PDE8B: variants seen among roughly 807,000 people sequenced by gnomAD.
The protein encoded by PDE8B is high affinity cAMP-specific and IBMX-insensitive 3',5'-cyclic phosphodiesterase 8B.
PDE8B carries 26 observed loss-of-function variants against 101.3 expected under a neutral mutation model. That is an observed-to-expected ratio of 0.26 (90% CI 0.19 to 0.36). PDE8B has a LOEUF of 0.36. Ranked by LOEUF, PDE8B falls within the 10% of genes least tolerant of loss-of-function variation. The probability of loss-of-function intolerance (pLI) is 1.00; values close to 1 mark genes in which losing one functional copy is unlikely to be tolerated. For synonymous variants in PDE8B, 424 were observed against 429.3 expected (o/e 0.99, Z 0.15); for missense variants, 810 against 1,163.1 (o/e 0.70, Z 4.42).
intron 1 of PDE8B, chr5:77,290,451 G>T: frequency 6.9e-7 from 1 of 1,456,644 alleles, no homozygotes; most frequent in Non-Finnish European, 9.6e-7. Flanking sequence ...AGACTATGAA[G>T]AAACTGTAAA....
chr5:77,409,004 G>C lies in PDE8B; in HGVS notation c.1477G>C (p.Gly493Arg), dbSNP rs530252531. 1 of 1,613,820 alleles carries C rather than the reference G, an allele frequency of 6.2e-7. No homozygotes were observed. The highest frequency in any genetic ancestry group is 2.2e-5 in the East Asian group (1 of 44,884). ...RTTELYSPQLGTKDEDPHTSD... is the reference protein window; with the variant it reads ...RTTELYSPQLRTKDEDPHTSD... ...CACAGAACTGTACTCCCCTCAGCTG[G>C]GTACCAAAGATGAAGATCCCCACAC... Residue 493 changes from glycine to arginine, a missense_variant, in exon 14 of 22, where the codon GGT becomes CGT. Transcript: ENST00000264917.
the PDE8B span, among the ~76,000 whole-genome samples, chr5:77,099,724 C>T: frequency 0.013 from 2,042 of 152,090 alleles, 49 homozygotes; most frequent in African/African-American, 0.047. Context: ...CGATTCCTGT[C>T]TCAGCCTCCC....
At chr5:77,228,975 C>T (rs972225689) in intron 1 of PDE8B, among the ~76,000 whole-genome samples, 11 of 152,120 alleles carry the variant, frequency 7.2e-5, no homozygotes, top group Admixed American at 3.9e-4. Flanking sequence ...GGAGATAGAA[C>T]GGTCTGGAAT....
At chr5:77,407,762 G>A (rs1793773189) in intron 13 of PDE8B, among the ~76,000 whole-genome samples, 1 of 152,146 alleles carries the variant, frequency 6.6e-6, no homozygotes, top group Admixed American at 6.5e-5. Context: ...CTCAGGAGAA[G>A]AAGGAAGAGA....
intron 1 of PDE8B, among the ~76,000 whole-genome samples, chr5:77,225,727 C>T (rs1390863483): frequency 6.6e-6 from 1 of 152,046 alleles, no homozygotes; most frequent in African/African-American, 2.4e-5. Flanking sequence ...AAATTTAGGA[C>T]TACAAGCCTT....
intron 1 of PDE8B, among the ~76,000 whole-genome samples, chr5:77,274,213 C>T (rs985787372): frequency 1.3e-5 from 2 of 152,240 alleles, no homozygotes; most frequent in East Asian, 1.9e-4. Flanking sequence ...TATATTATCT[C>T]AATTAATCCT....
At chr5:77,262,014 T>C (rs1321391163) in intron 1 of PDE8B, among the ~76,000 whole-genome samples, 2 of 152,212 alleles carry the variant, frequency 1.3e-5, no homozygotes, top group East Asian at 3.8e-4. Flanking sequence ...CTTCAATTTT[T>C]GTACATAATT....
chr5:77,110,469 A>G, the PDE8B span, among the ~76,000 whole-genome samples: 1 of 152,318 alleles, frequency 6.6e-6, no homozygotes, highest in African/African-American at 2.4e-5. Flanking sequence ...TTATCCTCTG[A>G]ATAGATTTGC....
At chr5:77,373,725 T>A (rs1398131208) in intron 10 of PDE8B, among the ~76,000 whole-genome samples, 1 of 152,238 alleles carries the variant, frequency 6.6e-6, no homozygotes, top group Non-Finnish European at 1.5e-5. Flanking sequence ...ATACAATGTA[T>A]CCATTTAAAG....
chr5:77,247,856 C>T (rs1347645570), intron 1 of PDE8B, among the ~76,000 whole-genome samples: 1 of 152,194 alleles, frequency 6.6e-6, no homozygotes, highest in African/African-American at 2.4e-5. Context: ...CTCATCCCCT[C>T]ACCCTTAGGC....
chr5:77,219,986 A>C (rs572865546), intron 1 of PDE8B, among the ~76,000 whole-genome samples: 1 of 152,226 alleles, frequency 6.6e-6, no homozygotes, highest in African/African-American at 2.4e-5. Context: ...ATGCACGTGC[A>C]CACACCTGCT....
At chr5:77,331,278 G>A (rs1182964607) in intron 4 of PDE8B, 124 bp from the exon 5 acceptor site, 24 of 839,436 alleles carry the variant, frequency 2.9e-5, no homozygotes, top group South Asian at 1.3e-4. Context: ...CCGTGGGCAC[G>A]TGCTCGTCAG....
intron 1 of PDE8B, among the ~76,000 whole-genome samples, chr5:77,244,503 G>T (rs1047692795): frequency 2.6e-5 from 4 of 152,150 alleles, no homozygotes; most frequent in Admixed American, 2.6e-4. Flanking sequence ...ATAGAGGCAA[G>T]CTTCTTAACA....
the PDE8B span, among the ~76,000 whole-genome samples, chr5:77,126,486 C>T: frequency 6.6e-6 from 1 of 152,144 alleles, no homozygotes; most frequent in Non-Finnish European, 1.5e-5. Flanking sequence ...AGTGCAGTGG[C>T]ACAATCACAG....
intron 19 of PDE8B, among the ~76,000 whole-genome samples, chr5:77,420,263 A>C (rs1796355574): frequency 6.6e-6 from 1 of 152,180 alleles, no homozygotes; most frequent in Non-Finnish European, 1.5e-5. Context: ...GTGTTTTAAA[A>C]AACAAAGAAT....
chr5:77,424,665 T>C (rs1378814841), intron 20 of PDE8B, among the ~76,000 whole-genome samples: 2 of 152,236 alleles, frequency 1.3e-5, no homozygotes, highest in African/African-American at 2.4e-5. Flanking sequence ...CAGATTTTGG[T>C]ATGCAGTTCA....
At chr5:77,157,934 A>G in the PDE8B span, among the ~76,000 whole-genome samples, 49 of 152,318 alleles carry the variant, frequency 3.2e-4, no homozygotes, top group African/African-American at 1.1e-3. Context: ...GAGCCATTCA[A>G]TCAGACGGTA....
intron 10 of PDE8B, among the ~76,000 whole-genome samples, chr5:77,381,898 T>G (rs911240995): frequency 1.3e-5 from 2 of 152,214 alleles, no homozygotes; most frequent in South Asian, 2.1e-4. Context: ...CACAATTCCC[T>G]AGTTATGGTT....
the PDE8B span, among the ~76,000 whole-genome samples, chr5:77,163,543 A>T: frequency 6.6e-6 from 1 of 152,238 alleles, no homozygotes; most frequent in African/African-American, 2.4e-5. Context: ...AATAACCACT[A>T]TGAACAGTTT....
Sources: allele counts gnomAD v4.1 joint callset (sites outside exome capture counted in the v4.1 genomes callset), GRCh38; gene constraint gnomAD v4.1.1; transcripts MANE v1.5; gene names NCBI Gene and HGNC (gene_info 2026-07-23, HGNC 2026-07-21).